CCDC196: variants seen among roughly 807,000 people sequenced by gnomAD.
CCDC196 encodes coiled-coil domain containing 196.
At chr14:66,497,484 AT>A (rs200052386) in intron 8 of CCDC196, among the ~76,000 whole-genome samples, 1,706 of 152,306 alleles carry the variant, frequency 0.011, 80 homozygotes, top group Admixed American at 0.092. Flanking sequence ...GGGATACCCT[AT>A]TAAATTTGAA....
chr14:66,491,590 T>C (rs1472788071), intron 6 of CCDC196, 36 bp from the exon 7 acceptor site: 1 of 413,640 alleles, frequency 2.4e-6, no homozygotes, highest in Non-Finnish European at 4.4e-6. Flanking sequence ...CTGATCTCAA[T>C]TTACTTTGTC....
At chr14:66,497,831 G>A (rs1261666280) in intron 8 of CCDC196, among the ~76,000 whole-genome samples, 2 of 151,954 alleles carry the variant, frequency 1.3e-5, no homozygotes, top group Non-Finnish European at 2.9e-5. Context: ...CTGAGGGTAT[G>A]TATATATACA....
At chr14:66,493,427 T>C (rs2057588073) in intron 8 of CCDC196, among the ~76,000 whole-genome samples, 1 of 152,164 alleles carries the variant, frequency 6.6e-6, no homozygotes, top group Admixed American at 6.5e-5. Context: ...TTTTTCCTGG[T>C]GTTGAAATCT....
At position 66,486,836 on chromosome 14, in the gene CCDC196, G is replaced by A. The variant is rs137864556; in HGVS notation, c.203+27G>A. 1.2e-3 allele frequency: 492 copies of A among 412,516 alleles called. 3 individuals are homozygous for A. The highest frequency in any genetic ancestry group is 9.1e-3 in the African/African-American group (442 of 48,734). 25.6% of individuals were successfully genotyped at this position (412,516 alleles called of 1,614,324 possible). On this transcript the variant is annotated intron_variant, in intron 2 of 9. Transcript: ENST00000636229. ...TACGGGCTCTTACTCTGGATTCCTA[G>A]AGGTAAAAAGGCTGGAGAACTTGAT... is the stretch of plus-strand genomic sequence containing the variant.
chr14:66,488,881 G>A (rs2057471119), intron 3 of CCDC196, 106 bp from the exon 4 acceptor site: 1 of 409,376 alleles, frequency 2.4e-6, no homozygotes, highest in Admixed American at 4.4e-5. Context: ...GGTTTACTAT[G>A]TCCCTGGACC....
Position 66,491,068 on chromosome 14 carries a change from G to A in CCDC196, c.477G>A (p.Glu159=). 1 of 413,514 alleles carries A rather than the reference G, an allele frequency of 2.4e-6. No individual in the cohort carries two copies. The highest frequency in any genetic ancestry group is 4.4e-6 in the Non-Finnish European group (1 of 226,152). The allele number at this position is 413,514 out of a possible 1,614,324, so 25.6% of individuals were successfully genotyped here. A position where few individuals can be genotyped will look rare whatever the true frequency, so the allele number is the denominator to read the frequency against. The change falls in exon 6 of 10, where the codon GAG becomes GAA. Residue 159 remains glutamate, a synonymous_variant. Coordinates refer to ENST00000636229, the MANE Select transcript of CCDC196 (RefSeq NM_001351576.1). The part of the protein sequence containing the change: ...SSPRKTESEL[E]KSFAEKVKEI... ...CTAGGAAGACTGAGAGTGAACTGGA[G>A]AAATCATTTGCAGAGAAAGTGAAGG...
chr14:66,493,232 T>C (rs571261601), intron 8 of CCDC196, among the ~76,000 whole-genome samples: 18 of 152,086 alleles, frequency 1.2e-4, no homozygotes, highest in Non-Finnish European at 2.5e-4. Context: ...AATAAATATA[T>C]GAGTAAATCA....
rs1195725930 is a variant in CCDC196 at position 66,498,378 on chromosome 14, C to G, written c.800C>G (p.Thr267Arg). 1 of 412,952 alleles carries G rather than the reference C, an allele frequency of 2.4e-6. No individual in the cohort carries two copies. Among genetic ancestry groups the G allele is most frequent in the Non-Finnish European group, 4.4e-6 (1 of 225,804 alleles). 25.6% of individuals were successfully genotyped at this position (412,952 alleles called of 1,614,324 possible). ...AGAATTCTGGGAACAAAGATCTACA[C>G]AGAACAACAAGGAACTAAAGGAAGT... ...HVRILGTKIYTEQQGTKGSQL... is the reference protein window; with the variant it reads ...HVRILGTKIYREQQGTKGSQL... Residue 267 changes from threonine (T) to arginine (R), a missense_variant, in exon 10 of 10, where the codon ACA becomes AGA. Transcript: ENST00000636229.
intron 8 of CCDC196, among the ~76,000 whole-genome samples, chr14:66,492,590 T>C (rs8004241): frequency 0.26 from 38,900 of 151,914 alleles, 9,910 homozygotes; most frequent in African/African-American, 0.63. Flanking sequence ...TCCACCTGCC[T>C]TGGCCTCCCA....
At chr14:66,490,497 AG>A (rs1218993428) in intron 4 of CCDC196, among the ~76,000 whole-genome samples, 88 of 152,224 alleles carry the variant, frequency 5.8e-4, no homozygotes, top group African/African-American at 2.1e-3. Flanking sequence ...TAATGCAGTA[AG>A]TAGCTTAGAG....
At chr14:66,490,844 A>C (rs2057518462) in intron 5 of CCDC196, 25 bp downstream of exon 5, 1 of 401,384 alleles carries the variant, frequency 2.5e-6, no homozygotes, top group African/African-American at 2.1e-5. Context: ...TGTACTTAAA[A>C]TTTCAAGATT....
chr14:66,494,115 C>A (rs1026552160), intron 8 of CCDC196, among the ~76,000 whole-genome samples: 4 of 152,182 alleles, frequency 2.6e-5, no homozygotes, highest in African/African-American at 9.7e-5. Context: ...TCTCTCCTTT[C>A]CTTTTATGTT....
At position 66,486,724 on chromosome 14, in the gene CCDC196, C is replaced by T. The variant is rs1180142608; in HGVS notation, c.118C>T (p.Leu40=). The change falls in exon 2 of 10, where the codon CTG becomes TTG. Residue 40 remains leucine, a synonymous_variant. Coordinates refer to ENST00000636229, the MANE Select transcript of CCDC196 (RefSeq NM_001351576.1). ...GGACTTAAAGCTAAGGAAGCAGGAACTGCTAGAGATGCTCAAACCTCTAGA... is the reference window on the plus strand; with the variant it reads ...GGACTTAAAGCTAAGGAAGCAGGAATTGCTAGAGATGCTCAAACCTCTAGA... ...NEDLKLRKQE[L]LEMLKPLEDK... is the part of the protein sequence containing the mutation. The T allele has an allele frequency of 4.8e-6, 2 of 413,294 alleles. No homozygotes were observed. Among genetic ancestry groups the T allele is most frequent in the Non-Finnish European group, 8.8e-6 (2 of 226,112 alleles). 25.6% of individuals were successfully genotyped at this position (413,294 alleles called of 1,614,324 possible).
chr14:66,495,788 TC>T (rs1164784935), intron 8 of CCDC196: 2 of 155,342 alleles, frequency 1.3e-5, no homozygotes, highest in African/African-American at 4.8e-5. Flanking sequence ...CATTCATGTA[TC>T]AAATGAAAAA....
At chr14:66,488,908 T>G (rs1169813251) in intron 3 of CCDC196, 79 bp from the exon 4 acceptor site, 1 of 412,390 alleles carries the variant, frequency 2.4e-6, no homozygotes, top group Non-Finnish European at 4.4e-6. Flanking sequence ...CCACTATTAC[T>G]TAGTAACTTC....
intron 8 of CCDC196, among the ~76,000 whole-genome samples, chr14:66,495,338 T>C (rs1276455727): frequency 3.9e-5 from 6 of 152,206 alleles, no homozygotes; most frequent in Non-Finnish European, 1.5e-5. Context: ...ATTTCAGGTT[T>C]TAAAAATACA....
chr14:66,496,353 A>G (rs1244295687), intron 8 of CCDC196: 1 of 456,164 alleles, frequency 2.2e-6, no homozygotes, highest in African/African-American at 2.0e-5. Context: ...CTGGCAAAAT[A>G]CAATCCTGTG....
Position 66,491,684 on chromosome 14 carries a change from A to G in CCDC196, c.572A>G (p.Gln191Arg), listed in dbSNP as rs983004554. The G allele has an allele frequency of 2.4e-6, 1 of 413,924 alleles. No individual in the cohort carries two copies. The highest frequency in any genetic ancestry group is 3.6e-5 in the East Asian group (1 of 28,058). The allele number at this position is 413,924 out of a possible 1,614,324, so 25.6% of individuals were successfully genotyped here. A position where few individuals can be genotyped will look rare whatever the true frequency, so the allele number is the denominator to read the frequency against. ...TATCAGGAACAAAATAACATCCTTC[A>G]GGTACTAAGATCTTCCAAGGCTGGA... ...VKYQEQNNILQNDFHGKVIEL... is the reference protein window; with the variant it reads ...VKYQEQNNILRNDFHGKVIEL... Residue 191 changes from glutamine to arginine, a missense_variant and splice_region_variant, in exon 7 of 10, where the codon CAG becomes CGG. Coordinates refer to ENST00000636229, the MANE Select transcript of CCDC196 (RefSeq NM_001351576.1).
chr14:66,488,292 G>A (rs2057455510), intron 3 of CCDC196, 36 bp downstream of exon 3: 2 of 411,370 alleles, frequency 4.9e-6, no homozygotes, highest in Admixed American at 4.4e-5. Flanking sequence ...ACAGCCTCCT[G>A]AATAGGGCTC....
Sources: allele counts gnomAD v4.1 joint callset (sites outside exome capture counted in the v4.1 genomes callset), GRCh38; gene constraint gnomAD v4.1.1; transcripts MANE v1.5; gene names NCBI Gene and HGNC (gene_info 2026-07-23, HGNC 2026-07-21).